The following IGF2R variants were observed in gnomAD, a reference collection of about 807,000 sequenced individuals.
IGF2R encodes insulin like growth factor 2 receptor.
A neutral mutation model predicts 270.6 loss-of-function variants in IGF2R; 91 were observed. The ratio of observed to expected loss-of-function variants is 0.34; its 90% confidence interval spans 0.28 to 0.40. The LOEUF (loss-of-function observed/expected upper bound fraction) is 0.40. Ranked by LOEUF, IGF2R falls within the 10% of genes least tolerant of loss-of-function variation. IGF2R has a pLI of 1.00. For synonymous variants in IGF2R, 1,316 were observed against 1,258.9 expected (o/e 1.05, Z -0.96); for missense variants, 2,805 against 3,188.3 (o/e 0.88, Z 2.90).
Position 160,088,108 on chromosome 6 carries a change from TG to T in IGF2R, c.6282del (p.Thr2095ProfsTer33). ...GNKTASSVIELTCTKTVGRPA... is the reference protein window; with the variant it reads ...GNKTASSVIEXTCTKTVGRPA... Reference sequence around the variant, plus strand: ...AAGACCGCATCCTCCGTGATAGAATTGACCTGTACAAAGACGGTGGGCAGAC... The same window carrying T: ...AAGACCGCATCCTCCGTGATAGAATTACCTGTACAAAGACGGTGGGCAGAC... On this transcript the variant is annotated frameshift_variant, in exon 42 of 48. Coordinates refer to ENST00000356956, the MANE Select transcript of IGF2R (RefSeq NM_000876.4). LOFTEE classifies it high-confidence loss of function. 6.2e-7 allele frequency: 1 copy of T among 1,613,874 alleles called. No homozygotes were observed. The highest frequency in any genetic ancestry group is 8.5e-7 in the Non-Finnish European group (1 of 1,179,758).
At chr6:160,080,475 G>A (rs371975860) in intron 39 of IGF2R, among the ~76,000 whole-genome samples, 200 bp downstream of exon 39, 35 of 152,330 alleles carry the variant, frequency 2.3e-4, no homozygotes, top group African/African-American at 7.5e-4. Context: ...TCTACAGACC[G>A]TGGTAGAGCT....
intron 4 of IGF2R, among the ~76,000 whole-genome samples, chr6:160,024,035 C>G (rs1377996905): frequency 6.6e-6 from 1 of 152,140 alleles, no homozygotes; most frequent in Non-Finnish European, 1.5e-5. Context: ...CCACAAGAGA[C>G]CATGTAACGG....
intron 9 of IGF2R, 52 bp from the exon 10 acceptor site, chr6:160,034,367 T>G: frequency 8.2e-7 from 1 of 1,225,418 alleles, no homozygotes; most frequent in Non-Finnish European, 1.2e-6. Flanking sequence ...AGATTCAAGT[T>G]TTTTTCTTGG....
In IGF2R at chr6:160,104,834, GT is replaced by G. The variant is rs781561071; in HGVS notation, c.7227del (p.Ser2409ArgfsTer6). On this transcript the variant is annotated frameshift_variant, in exon 48 of 48. Coordinates refer to ENST00000356956, the MANE Select transcript of IGF2R (RefSeq NM_000876.4). LOFTEE classifies it low-confidence loss of function (END_TRUNC). ...LSSLHGDDQD[S>X]EDEVLTIPEV... ...TCCCTGCATGGGGATGACCAGGACA[GT>G]GAGGATGAGGTTCTGACCATCCCAG... 1 of 1,614,240 alleles carries G rather than the reference GT, an allele frequency of 6.2e-7. No homozygotes were observed. The highest frequency in any genetic ancestry group is 1.3e-5 in the African/African-American group (1 of 75,054).
In IGF2R at chr6:159,980,217, A is replaced by AGG. The variant is rs1244191685; in HGVS notation, c.149+10822_149+10823insGG. Reference sequence around the variant, plus strand: ...AAAGAAAGAAAGAAAGAAAGAAAGAAAGAAAGAAAGAAAGAAAGAAAGGTA... The same window carrying AGG: ...AAAGAAAGAAAGAAAGAAAGAAAGAAGGAGAAAGAAAGAAAGAAAGAAAGGTA... On this transcript the variant is annotated intron_variant, in intron 1 of 47. Transcript: ENST00000356956. Among the ~76,000 whole-genome samples, 3 of 89,958 alleles carry AGG rather than the reference A, an allele frequency of 3.3e-5. No individual in the cohort carries two copies. The East Asian group carries it at 1.6e-3, about 48-fold the overall frequency. 59.0% of individuals were successfully genotyped at this position (89,958 alleles called of 152,430 possible). A position where few individuals can be genotyped will look rare whatever the true frequency, so the allele number is the denominator to read the frequency against.
intron 1 of IGF2R, among the ~76,000 whole-genome samples, chr6:159,976,306 G>A (rs564022466): frequency 6.6e-6 from 1 of 152,042 alleles, no homozygotes; most frequent in African/African-American, 2.4e-5. Context: ...TTAATAAGTA[G>A]CATGCTACTC....
rs763716333 is a variant in IGF2R, at chr6:160,104,809, T to G, written c.7201T>G (p.Ser2401Ala). The G allele has an allele frequency of 6.2e-7, 1 of 1,614,022 alleles. No homozygotes were observed. Among genetic ancestry groups the G allele is most frequent in the Non-Finnish European group, 8.5e-7 (1 of 1,180,008 alleles). The change falls in exon 48 of 48, where the codon TCC (serine) becomes GCC (alanine). Residue 2401 changes from serine to alanine, a missense_variant. By Grantham distance (99) the Ser-to-Ala change is moderately conservative. Around this residue, in one of 2 missense-constraint regions of IGF2R, gnomAD observed 1,851 missense variants for 2,207.2 expected, o/e 0.84. Transcript: ENST00000356956. Reference protein sequence around the residue: ...ITTKSVKALSSLHGDDQDSED... With the variant: ...ITTKSVKALSALHGDDQDSED... ...CACCAAGTCAGTGAAAGCCCTCAGC[T>G]CCCTGCATGGGGATGACCAGGACAG...
rs137965971 is a variant in IGF2R, at chr6:160,042,774, C to T, written c.1481-374C>T. Among the ~76,000 whole-genome samples, 512 of 152,302 alleles carry T rather than the reference C, an allele frequency of 3.4e-3. 1 individual carries two copies. The highest frequency in any genetic ancestry group is 0.012 in the African/African-American group (478 of 41,562). ...TAGCAATGGTGTTAAGCGGGGTGTACTAGCAATGATGTACCACTCTACTGC... is the reference window on the plus strand; with the variant it reads ...TAGCAATGGTGTTAAGCGGGGTGTATTAGCAATGATGTACCACTCTACTGC... On this transcript the variant is annotated intron_variant, in intron 11 of 47. Transcript: ENST00000356956.
intron 18 of IGF2R, among the ~76,000 whole-genome samples, chr6:160,049,333 G>C (rs190640361): frequency 2.0e-5 from 3 of 152,224 alleles, no homozygotes; most frequent in Admixed American, 2.0e-4. Context: ...ATCACCACGC[G>C]GAACACTTTC....
At chr6:160,033,205 C>A in intron 9 of IGF2R, 98 bp downstream of exon 9, 1 of 774,814 alleles carries the variant, frequency 1.3e-6, no homozygotes, top group Non-Finnish European at 2.1e-6. Context: ...GGTGCAATCT[C>A]GGTGCATTGC....
rs8191788 is a variant in IGF2R, at chr6:160,044,434, T to G, written c.1622-80T>G. On this transcript the variant is annotated intron_variant, in intron 12 of 47. Transcript: ENST00000356956. ...TCTTTCTTTCTTTCTCTTTCTTTCT[T>G]TTTTTTTTAAGTCACTTCTTTGTCT... The G allele has an allele frequency of 9.0e-3, 10,469 of 1,169,256 alleles. 601 individuals are homozygous for G. In the African/African-American group the frequency reaches 0.15, roughly 17 times the overall value. 72.4% of individuals were successfully genotyped at this position (1,169,256 alleles called of 1,614,324 possible). A position where few individuals can be genotyped will look rare whatever the true frequency, so the allele number is the denominator to read the frequency against.
rs375375510 is a variant in IGF2R at position 160,057,354 on chromosome 6, A to G, written c.2797-669A>G. ...TTCACAGCACCGTGTATATTTCTTT[A>G]TGGTGGGACCTGTTTGCCTTCCCAC... On this transcript the variant is annotated intron_variant, in intron 20 of 47. Coordinates refer to ENST00000356956, the MANE Select transcript of IGF2R (RefSeq NM_000876.4). Among the ~76,000 whole-genome samples the G allele has an allele frequency of 1.1e-3, 174 of 152,244 alleles. 5 individuals are homozygous for G. In the South Asian group the frequency reaches 0.034, roughly 30 times the overall value.
At chr6:159,996,571 G>C (rs1331236225) in intron 2 of IGF2R, among the ~76,000 whole-genome samples, 2 of 152,210 alleles carry the variant, frequency 1.3e-5, no homozygotes, top group Non-Finnish European at 2.9e-5. Flanking sequence ...TGTCTGCGGG[G>C]AGGTGTGGGG....
At chr6:160,081,776 C>T (rs1043984013) in intron 39 of IGF2R, among the ~76,000 whole-genome samples, 4 of 152,214 alleles carry the variant, frequency 2.6e-5, no homozygotes, top group African/African-American at 9.7e-5. Context: ...ATTTCTCTTA[C>T]CCGTTTTCGG....
intron 45 of IGF2R, among the ~76,000 whole-genome samples, chr6:160,097,816 C>T (rs1196626292): frequency 1.3e-5 from 2 of 152,142 alleles, no homozygotes; most frequent in African/African-American, 2.4e-5. Context: ...ATCAGCACTC[C>T]CCCTGCCCAC....
intron 30 of IGF2R, among the ~76,000 whole-genome samples, chr6:160,068,630 G>C (rs1778645408): frequency 6.6e-6 from 1 of 151,952 alleles, no homozygotes; most frequent in Non-Finnish European, 1.5e-5. Context: ...GCACTGGTGA[G>C]AGAGGACCTC....
chr6:160,072,483 C>CA (rs1265516366), intron 32 of IGF2R, among the ~76,000 whole-genome samples: 1 of 152,226 alleles, frequency 6.6e-6, no homozygotes. Context: ...TGGGCAGGCT[C>CA]TCCCCATGCC....
At position 160,079,593 on chromosome 6, in the gene IGF2R, C is replaced by T. The variant is rs200083721; in HGVS notation, c.5492C>T (p.Ser1831Leu). The T allele has an allele frequency of 9.7e-6, 14 of 1,448,966 alleles. No individual in the cohort carries two copies. Among genetic ancestry groups the T allele is most frequent in the Middle Eastern group, 1.9e-4 (1 of 5,366 alleles). 89.8% of individuals were successfully genotyped at this position (1,448,966 alleles called of 1,614,324 possible). A position where few individuals can be genotyped will look rare whatever the true frequency, so the allele number is the denominator to read the frequency against. ...STSTFKVTRD[S>L]RTYSVGVCTF... ...GTTTTTGTCCAGGTGACTCGCGACT[C>T]GCGCACCTACAGCGTTGGGGTGTGC... Residue 1831 changes from serine (S) to leucine (L), a missense_variant, in exon 38 of 48, where the codon TCG (serine) becomes TTG (leucine). Physicochemically the swap from Ser to Leu is moderately radical, Grantham distance 145 (BLOSUM62 -2). Transcript: ENST00000356956.
In IGF2R at chr6:160,098,857, A is replaced by G. The variant is rs1037886561; in HGVS notation, c.6842+2232A>G. On this transcript the variant is annotated intron_variant, in intron 45 of 47. Coordinates refer to ENST00000356956, the MANE Select transcript of IGF2R (RefSeq NM_000876.4). ...ATGTAACTATAACAAACAGGTAGCAATGTTCGCCCTAATAGATTACCATTT... is the reference window on the plus strand; with the variant it reads ...ATGTAACTATAACAAACAGGTAGCAGTGTTCGCCCTAATAGATTACCATTT... Among the ~76,000 whole-genome samples the G allele has an allele frequency of 2.0e-5, 3 of 152,148 alleles. No individual in the cohort carries two copies. The South Asian group carries it at 6.2e-4, about 32-fold the overall frequency.
Sources: gnomAD v4.1 joint callset for allele counts (sites outside exome capture counted in the v4.1 genomes callset) on GRCh38, gnomAD v4.1.1 for gene constraint, gnomAD v4.1.1 regional missense constraint, MANE v1.5 for transcripts, NCBI Gene and HGNC (gene_info 2026-07-23, HGNC 2026-07-21) for gene names.